Variants in GRM4 observed in about 807,000 individuals in gnomAD.
GRM4 encodes the protein metabotropic glutamate receptor 4.
GRM4 carries 28 observed loss-of-function variants against 81.7 expected under a neutral mutation model. The ratio of observed to expected loss-of-function variants is 0.34; its 90% CI spans 0.25 to 0.47. The LOEUF (loss-of-function observed/expected upper bound fraction) is 0.47. Among genes scored for constraint, GRM4 ranks in the 20% least tolerant of loss-of-function variants. The probability of loss-of-function intolerance (pLI) is 1.00; values close to 1 mark genes in which losing one functional copy is unlikely to be tolerated. For missense variants in GRM4, 948 were observed against 1,290.0 expected (o/e 0.73, Z 4.06); for synonymous variants, 488 against 528.8 (o/e 0.92, Z 1.06).
intron 9 of GRM4, among the ~76,000 whole-genome samples, chr6:34,029,799 G>A (rs916092290): frequency 2.0e-5 from 3 of 152,222 alleles, no homozygotes; most frequent in African/African-American, 4.8e-5. Context: ...GGGCATGACC[G>A]GACAGCCATG....
chr6:34,131,224 C>T (rs553763453), intron 2 of GRM4, among the ~76,000 whole-genome samples: 1 of 152,334 alleles, frequency 6.6e-6, no homozygotes, highest in Non-Finnish European at 1.5e-5. Context: ...CGACACAGCC[C>T]CCGGGGATTG....
chr6:34,056,874 G>T (rs927036108), intron 5 of GRM4, among the ~76,000 whole-genome samples, 190 bp from the exon 6 acceptor site: 4 of 152,236 alleles, frequency 2.6e-5, no homozygotes, highest in Non-Finnish European at 5.9e-5. Context: ...AGCTGTATTA[G>T]GTCCCAGGGG....
chr6:34,154,979 T>A lies in GRM4; in HGVS notation c.312+100A>T, dbSNP rs527274210. 1,787 of 1,011,068 alleles carry A rather than the reference T, an allele frequency of 1.8e-3. 8 individuals are homozygous for A. Among genetic ancestry groups the A allele is most frequent in the African/African-American group, 0.015 (876 of 59,926 alleles). The allele number at this position is 1,011,068 out of a possible 1,614,324, so 62.6% of individuals were successfully genotyped here. ...ACCCAGCGGCCGGGCCTGGGGCGGG[T>A]CCGAGCGGGACCCAGGCCCAGTCTA... On this transcript the variant is annotated intron_variant, in intron 1 of 8. Transcript: ENST00000374177.
chr6:34,088,115 G>C (rs561774392), intron 3 of GRM4, among the ~76,000 whole-genome samples: 1 of 152,168 alleles, frequency 6.6e-6, no homozygotes, highest in East Asian at 1.9e-4. Context: ...GTATGTGCCA[G>C]GAGCACGTTT....
chr6:34,058,486 A>C (rs1002027933), intron 5 of GRM4, among the ~76,000 whole-genome samples: 5 of 152,142 alleles, frequency 3.3e-5, no homozygotes, highest in African/African-American at 1.2e-4. Flanking sequence ...GTCCCTGCCA[A>C]ATCAGGCCAT....
chr6:34,144,146 G>A (rs1770818768), intron 1 of GRM4, among the ~76,000 whole-genome samples: 1 of 152,220 alleles, frequency 6.6e-6, no homozygotes, highest in South Asian at 2.1e-4. Flanking sequence ...CTAGGGGCAG[G>A]GGGCGCTCGT....
chr6:34,037,100 T>C (rs895875133), intron 8 of GRM4, among the ~76,000 whole-genome samples: 6 of 152,192 alleles, frequency 3.9e-5, no homozygotes, highest in African/African-American at 1.4e-4. Context: ...CTGTGCACAC[T>C]GGAGTGGAAG....
Position 34,035,957 on chromosome 6 carries a change from A to G in GRM4, c.2153T>C (p.Phe718Ser). ...SLQLLGICVW[F>S]VVDPSHSVVD... Reference sequence around the variant, plus strand: ...CACCGAGTGGGAGGGGTCCACCACAAACCACACACAGATGCCCAGCAGCTG... The same window carrying G: ...CACCGAGTGGGAGGGGTCCACCACAGACCACACACAGATGCCCAGCAGCTG... Residue 718 changes from phenylalanine (F) to serine (S), a missense_variant, in exon 9 of 11, where the codon TTT becomes TCT. By Grantham distance (155) the Phe-to-Ser change is radical. Transcript: ENST00000538487. The surrounding 1 kb of genome is among the most constrained non-coding windows in gnomAD (Gnocchi z 6.6). 5 of 1,613,274 alleles carry G rather than the reference A, an allele frequency of 3.1e-6. No individual in the cohort carries two copies. The Middle Eastern group carries it at 8.2e-4, about 266-fold the overall frequency.
At chr6:34,084,953 C>T (rs576041425) in intron 3 of GRM4, among the ~76,000 whole-genome samples, 7 of 152,272 alleles carry the variant, frequency 4.6e-5, no homozygotes, top group African/African-American at 1.4e-4. Context: ...CTTATTCAGG[C>T]GGGCTCTGCT....
rs562636713 is a variant in GRM4 at position 34,059,486 on chromosome 6, C to G, written c.873-358G>C. On this transcript the variant is annotated intron_variant, in intron 4 of 10. Coordinates refer to ENST00000538487, the MANE Select transcript of GRM4 (RefSeq NM_000841.4). The surrounding 1 kb of genome is among the most constrained non-coding windows in gnomAD (Gnocchi z 5.7). ...CCCCACAACCACCTCTGCCCAGCCC[C>G]GGTCCCCTGAGACGCATGCCTTCCT... The G allele has an allele frequency of 6.0e-5, 19 of 317,566 alleles. No individual in the cohort carries two copies. The highest frequency in any genetic ancestry group is 3.1e-4 in the Admixed American group (7 of 22,584). 19.7% of individuals were successfully genotyped at this position (317,566 alleles called of 1,614,324 possible).
intron 2 of GRM4, chr6:34,100,154 G>T: frequency 2.0e-6 from 1 of 495,868 alleles, no homozygotes; most frequent in Non-Finnish European, 2.6e-6. Context: ...CAATTGATCA[G>T]CCTGCGAGGG....
At position 34,048,380 on chromosome 6, in the gene GRM4, G is replaced by A. The variant is rs1765454455; in HGVS notation, c.1169-7632C>T. Among the ~76,000 whole-genome samples the A allele has an allele frequency of 1.3e-5, 2 of 151,530 alleles. No individual in the cohort carries two copies. The highest frequency in any genetic ancestry group is 6.6e-5 in the Admixed American group (1 of 15,224). On this transcript the variant is annotated intron_variant, in intron 6 of 10. Coordinates refer to ENST00000538487, the MANE Select transcript of GRM4 (RefSeq NM_000841.4). The surrounding 1 kb of genome is among the most constrained non-coding windows in gnomAD (Gnocchi z 4.0). ...CCGTGCCCAAGAAGGATCAGCTCTC[G>A]ACTCCTGCCTGGTTCTGAGGCCAAC...
At chr6:34,143,242 C>T (rs1488405661) in intron 1 of GRM4, among the ~76,000 whole-genome samples, 2 of 152,184 alleles carry the variant, frequency 1.3e-5, no homozygotes, top group East Asian at 3.8e-4. Context: ...CACAAGCGGA[C>T]ATCACGCCCA....
At chr6:34,101,889 C>A (rs760436133) in intron 2 of GRM4, 1 of 730,154 alleles carries the variant, frequency 1.4e-6, no homozygotes, top group Admixed American at 2.9e-5. Context: ...CAACCCCACA[C>A]GAGGCTGCCA....
At position 34,036,009 on chromosome 6, in the gene GRM4, C is replaced by T. The variant is rs1162269579; in HGVS notation, c.2101G>A (p.Ala701Thr). ...PRFISPASQL[A>T]ITFSLISLQL... ...AGCGAGATGAGGCTGAAGGTGATGGCCAGCTGTGAGGCGGGGCTGATGAAG... is the reference window on the plus strand; with the variant it reads ...AGCGAGATGAGGCTGAAGGTGATGGTCAGCTGTGAGGCGGGGCTGATGAAG... The change falls in exon 9 of 11, where the codon GCC (alanine) becomes ACC (threonine). Residue 701 changes from alanine (A) to threonine (T), a missense_variant. By Grantham distance (58) the Ala-to-Thr change is moderately conservative. Transcript: ENST00000538487. This position sits in a 1 kb window ranked among gnomAD's most constrained non-coding sequence, Gnocchi z 9.0. 1.9e-6 allele frequency: 3 copies of T among 1,613,834 alleles called. No homozygotes were observed. The Admixed American group carries it at 5.0e-5, about 27-fold the overall frequency.
At chr6:34,128,235 C>T (rs527539678) in intron 2 of GRM4, among the ~76,000 whole-genome samples, 1 of 152,362 alleles carries the variant, frequency 6.6e-6, no homozygotes, top group East Asian at 1.9e-4. Context: ...TGCCTGCCCG[C>T]TCCATCCTCT....
chr6:34,092,714 C>G lies in GRM4; in HGVS notation c.520-615G>C, dbSNP rs537171446. On this transcript the variant is annotated intron_variant, in intron 2 of 10. Coordinates refer to ENST00000538487, the MANE Select transcript of GRM4 (RefSeq NM_000841.4). This position sits in a 1 kb window ranked among gnomAD's most constrained non-coding sequence, Gnocchi z 6.8. ...TCTCTCTGGAGCTGGGGACACTGAGCCCAGAGAGTCACCACCCTGCCGGGT... is the reference window on the plus strand; with the variant it reads ...TCTCTCTGGAGCTGGGGACACTGAGGCCAGAGAGTCACCACCCTGCCGGGT... Among the ~76,000 whole-genome samples the G allele has an allele frequency of 1.9e-4, 29 of 152,218 alleles. No homozygotes were observed. The highest frequency in any genetic ancestry group is 6.5e-4 in the African/African-American group (27 of 41,538).
chr6:34,055,740 C>T (rs536841801), intron 6 of GRM4: 1 of 152,376 alleles, frequency 6.6e-6, no homozygotes, highest in East Asian at 1.9e-4. Flanking sequence ...GGCCCTAGGG[C>T]TCAGACCCAG....
At chr6:34,087,583 C>T (rs552833185) in intron 3 of GRM4, among the ~76,000 whole-genome samples, 25 of 151,982 alleles carry the variant, frequency 1.6e-4, no homozygotes, top group Non-Finnish European at 3.7e-4. Flanking sequence ...TGCAGAGGAG[C>T]CCGGGAGGGA....
Sources: allele counts gnomAD v4.1 joint callset (sites outside exome capture counted in the v4.1 genomes callset), GRCh38; gene constraint gnomAD v4.1.1; non-coding constraint Gnocchi (gnomAD v3.1); transcripts MANE v1.5; gene names NCBI Gene and HGNC (gene_info 2026-07-23, HGNC 2026-07-21).